Variants in STK38L observed in about 807,000 individuals in gnomAD.
STK38L encodes the protein serine/threonine kinase 38 like, also known as serine/threonine-protein kinase 38-like.
In STK38L, 28 loss-of-function variants were observed where a neutral mutation model predicts 59.7. The observed-to-expected ratio is 0.47, with a 90% CI of 0.35 to 0.64. The LOEUF (loss-of-function observed/expected upper bound fraction) is 0.64, where lower values mean the gene tolerates loss of function less well. STK38L is among the 30% of genes least tolerant of loss of function. The pLI, the probability that STK38L is intolerant of heterozygous loss-of-function variation, is 0.01. For missense variants in STK38L, 314 were observed against 555.8 expected (o/e 0.56, Z 4.37); for synonymous variants, 162 against 176.8 (o/e 0.92, Z 0.66).
chr12:27,260,980 T>TA (rs1350347049), intron 1 of STK38L, among the ~76,000 whole-genome samples: 3 of 152,336 alleles, frequency 2.0e-5, no homozygotes, highest in East Asian at 1.9e-4. Flanking sequence ...AGGCAGGACT[T>TA]ACTTTTCTTT....
intron 3 of STK38L, among the ~76,000 whole-genome samples, chr12:27,304,009 C>T (rs570791389): frequency 6.6e-6 from 1 of 152,110 alleles, no homozygotes; most frequent in Non-Finnish European, 1.5e-5. Context: ...CACCTGTAAT[C>T]CCAGCACTTT....
chr12:27,277,392 CCACACACACACA>C (rs58648742), intron 1 of STK38L, among the ~76,000 whole-genome samples: 64 of 148,802 alleles, frequency 4.3e-4, no homozygotes, highest in African/African-American at 1.4e-3. Flanking sequence ...CTGGAAGGAA[CCACACACACACA>C]CACACACACA....
intron 1 of STK38L, among the ~76,000 whole-genome samples, chr12:27,279,766 A>G (rs1024048865): frequency 4.0e-5 from 6 of 148,904 alleles, no homozygotes; most frequent in African/African-American, 1.5e-4. Flanking sequence ...TTGTTTTTCC[A>G]CACGGTTTAT....
chr12:27,269,733 C>G (rs1001305134), intron 1 of STK38L, among the ~76,000 whole-genome samples: 1 of 152,206 alleles, frequency 6.6e-6, no homozygotes, highest in Non-Finnish European at 1.5e-5. Flanking sequence ...ACCTTTGCCT[C>G]CTGGGTTCAA....
intron 12 of STK38L, among the ~76,000 whole-genome samples, chr12:27,319,728 A>G (rs996405531): frequency 4.6e-5 from 7 of 152,164 alleles, no homozygotes; most frequent in African/African-American, 1.7e-4. Flanking sequence ...GTGACCCCTC[A>G]TTTTTGTCCT....
rs1244632694 is a variant in STK38L at position 27,314,647 on chromosome 12, T to C, written c.661T>C (p.Leu221=). The change falls in exon 7 of 14, where the codon TTG becomes CTG. Residue 221 remains leucine (L), a synonymous_variant. Coordinates refer to ENST00000389032, the MANE Select transcript of STK38L (RefSeq NM_015000.4). ...GGATATTAAGCCAGACAACCTTTTA[T>C]TGGATGCCAAGGCATGTGAATAAAC... ...HRDIKPDNLL[L]DAKGHVKLSD... The C allele has an allele frequency of 1.0e-5, 16 of 1,602,002 alleles. No homozygotes were observed. The highest frequency in any genetic ancestry group is 2.2e-5 in the East Asian group (1 of 44,502).
intron 1 of STK38L, among the ~76,000 whole-genome samples, chr12:27,252,442 T>C (rs774153487): frequency 6.6e-6 from 1 of 152,252 alleles, no homozygotes; most frequent in Admixed American, 6.5e-5. Flanking sequence ...TTTATTAAAT[T>C]AATTTTTACT....
At chr12:27,263,398 C>T (rs983333035) in intron 1 of STK38L, among the ~76,000 whole-genome samples, 3 of 150,558 alleles carry the variant, frequency 2.0e-5, no homozygotes, top group African/African-American at 7.3e-5. Context: ...AGTTAAAGAA[C>T]TCTTTCAAAA....
chr12:27,291,221 T>C (rs1475828307), intron 1 of STK38L, among the ~76,000 whole-genome samples: 1 of 152,186 alleles, frequency 6.6e-6, no homozygotes, highest in African/African-American at 2.4e-5. Context: ...ATTTTTAACA[T>C]GACAAAAAAG....
chr12:27,307,111 C>G (rs1944336523), intron 3 of STK38L, among the ~76,000 whole-genome samples: 3 of 151,908 alleles, frequency 2.0e-5, no homozygotes, highest in Admixed American at 1.3e-4. Flanking sequence ...ATTTTATAAT[C>G]AATATCAGAT....
At chr12:27,254,191 A>G (rs1418510319) in intron 1 of STK38L, among the ~76,000 whole-genome samples, 2 of 152,224 alleles carry the variant, frequency 1.3e-5, no homozygotes, top group South Asian at 2.1e-4. Flanking sequence ...GGATTGTGGT[A>G]GGAACATGAT....
chr12:27,293,559 C>CT (rs1022231079), intron 1 of STK38L: 123 of 151,860 alleles, frequency 8.1e-4, no homozygotes, highest in African/African-American at 2.8e-3. Context: ...GATAAAGTGA[C>CT]TTCCAGAATT....
At chr12:27,276,317 C>G (rs1943536750) in intron 1 of STK38L, among the ~76,000 whole-genome samples, 1 of 152,076 alleles carries the variant, frequency 6.6e-6, no homozygotes, top group Non-Finnish European at 1.5e-5. Flanking sequence ...TTTTAAACTT[C>G]TAAATATGAG....
chr12:27,256,909 G>T (rs1302624187), intron 1 of STK38L, among the ~76,000 whole-genome samples: 1 of 152,068 alleles, frequency 6.6e-6, no homozygotes, highest in Non-Finnish European at 1.5e-5. Flanking sequence ...AAAATATGTG[G>T]TTCCGTTTTA....
At chr12:27,257,044 A>G (rs1431105023) in intron 1 of STK38L, among the ~76,000 whole-genome samples, 2 of 152,218 alleles carry the variant, frequency 1.3e-5, no homozygotes, top group African/African-American at 2.4e-5. Flanking sequence ...ATTTTTCTGA[A>G]CATTTTCCAG....
At position 27,302,205 on chromosome 12, in the gene STK38L, T is replaced by C. The variant is rs1944191630; in HGVS notation, c.186+17T>C. 2.5e-6 allele frequency: 4 copies of C among 1,589,362 alleles called. No homozygotes were observed. Among genetic ancestry groups the C allele is most frequent in the Non-Finnish European group, 3.4e-6 (4 of 1,166,938 alleles). ...GATGAAGAGGTAATGTAATTACCTA[T>C]AATTACTGTACAAAAGCACCCCCAG... On this transcript the variant is annotated intron_variant, in intron 3 of 13. Transcript: ENST00000389032.
chr12:27,321,688 C>CA (rs961051207), intron 12 of STK38L, among the ~76,000 whole-genome samples: 3 of 151,184 alleles, frequency 2.0e-5, no homozygotes, highest in Non-Finnish European at 4.4e-5. Context: ...TTAATGGATA[C>CA]AAAAAAAATA....
chr12:27,305,409 C>A (rs1369472750), intron 3 of STK38L, among the ~76,000 whole-genome samples: 2 of 141,634 alleles, frequency 1.4e-5, no homozygotes, highest in Admixed American at 7.0e-5. Context: ...TATAAAACTT[C>A]TAATGTTTTT....
chr12:27,255,866 T>C (rs1002904465), intron 1 of STK38L, among the ~76,000 whole-genome samples: 3 of 152,204 alleles, frequency 2.0e-5, no homozygotes, highest in African/African-American at 4.8e-5. Flanking sequence ...CTTCTAGATA[T>C]CACCACCTTT....
Sources: allele counts gnomAD v4.1 joint callset (sites outside exome capture counted in the v4.1 genomes callset), GRCh38; gene constraint gnomAD v4.1.1; transcripts MANE v1.5; gene names NCBI Gene and HGNC (gene_info 2026-07-23, HGNC 2026-07-21).